The following ZNF618 variants were observed in gnomAD, a reference collection of about 807,000 sequenced individuals.
ZNF618 encodes neural precursor cell expressed, developmentally down-regulated 10.
A neutral mutation model predicts 103.0 loss-of-function variants in ZNF618; 34 were observed. The observed-to-expected ratio is 0.33, with a 90% CI of 0.25 to 0.44. The LOEUF (loss-of-function observed/expected upper bound fraction) is 0.44, where lower values mean the gene tolerates loss of function less well. Among genes scored for constraint, ZNF618 ranks in the 20% least tolerant of loss-of-function variants. ZNF618 has a pLI of 1.00. For missense variants in ZNF618, 1,059 were observed against 1,295.4 expected (o/e 0.82, Z 2.80); for synonymous variants, 551 against 542.2 (o/e 1.02, Z -0.23).
intron 1 of ZNF618, among the ~76,000 whole-genome samples, chr9:113,899,707 A>G (rs1830347944): frequency 6.6e-6 from 1 of 152,182 alleles, no homozygotes; most frequent in African/African-American, 2.4e-5. Context: ...TAGGTACCTC[A>G]TAGAAGTGGA....
chr9:113,941,339 A>G (rs1464311029), intron 1 of ZNF618, among the ~76,000 whole-genome samples: 1 of 152,102 alleles, frequency 6.6e-6, no homozygotes, highest in Non-Finnish European at 1.5e-5. Flanking sequence ...TTTGGGGGTT[A>G]TGTAAGAGCT....
chr9:113,944,190 G>A (rs1318246757), intron 1 of ZNF618, among the ~76,000 whole-genome samples: 2 of 152,158 alleles, frequency 1.3e-5, no homozygotes, highest in African/African-American at 2.4e-5. Context: ...GGGCCTAAAC[G>A]AGCCCTTGAT....
chr9:113,885,278 T>C (rs1311155271), intron 1 of ZNF618, among the ~76,000 whole-genome samples: 2 of 152,242 alleles, frequency 1.3e-5, no homozygotes, highest in African/African-American at 4.8e-5. Context: ...TCCTTCCGTA[T>C]CTTAATTTCT....
intron 1 of ZNF618, among the ~76,000 whole-genome samples, chr9:113,908,720 C>T (rs1265872219): frequency 6.6e-6 from 1 of 151,990 alleles, no homozygotes; most frequent in Admixed American, 6.6e-5. Flanking sequence ...TTATCTCTTG[C>T]CCCTTCTCAG....
At chr9:113,980,316 G>A (rs1838859952) in intron 2 of ZNF618, among the ~76,000 whole-genome samples, 1 of 152,046 alleles carries the variant, frequency 6.6e-6, no homozygotes, top group African/African-American at 2.4e-5. Flanking sequence ...TAAATACGAG[G>A]TGCCTGTTAG....
intron 10 of ZNF618, among the ~76,000 whole-genome samples, chr9:114,018,489 T>A (rs1461365235): frequency 6.6e-6 from 1 of 152,254 alleles, no homozygotes; most frequent in Non-Finnish European, 1.5e-5. Context: ...AGTTCAGCCT[T>A]TGGAGACTAT....
At chr9:113,969,805 G>A (rs146342505) in intron 2 of ZNF618, among the ~76,000 whole-genome samples, 14 of 152,178 alleles carry the variant, frequency 9.2e-5, no homozygotes, top group Non-Finnish European at 1.6e-4. Flanking sequence ...CTGCTGTTAC[G>A]TTGGGTAGAG....
intron 1 of ZNF618, among the ~76,000 whole-genome samples, chr9:113,934,156 A>G (rs1328930078): frequency 1.3e-5 from 2 of 152,174 alleles, no homozygotes; most frequent in Non-Finnish European, 2.9e-5. Flanking sequence ...TCAGTGAGCC[A>G]GGGGCCCAAC....
In ZNF618 at chr9:114,056,399, G is replaced by A. The variant is rs560141837; in HGVS notation, c.*6232G>A. 6.6e-5 allele frequency: 10 copies of A among 152,164 alleles called. No individual in the cohort carries two copies. The highest frequency in any genetic ancestry group is 1.2e-4 in the Non-Finnish European group (8 of 68,034). The allele number at this position is 152,164 out of a possible 1,614,324, so 9.4% of individuals were successfully genotyped here. A position where few individuals can be genotyped will look rare whatever the true frequency, so the allele number is the denominator to read the frequency against. ...CAGGGAGAAGAGGAAGGTTCCACTC[G>A]GTTCTTTAAGTCGCCAAAAGCCCCA... On this transcript the variant is annotated 3_prime_UTR_variant, in exon 15 of 15. Coordinates refer to ENST00000374126, the MANE Select transcript of ZNF618 (RefSeq NM_001318042.2).
At chr9:114,012,232 C>G (rs1025925375) in intron 9 of ZNF618, among the ~76,000 whole-genome samples, 3 of 152,168 alleles carry the variant, frequency 2.0e-5, no homozygotes, top group Admixed American at 2.0e-4. Flanking sequence ...GTGGTCTGAA[C>G]AATTTATCTC....
chr9:114,004,460 C>A (rs1290267935), intron 6 of ZNF618, among the ~76,000 whole-genome samples: 3 of 152,244 alleles, frequency 2.0e-5, no homozygotes, highest in Non-Finnish European at 4.4e-5. Flanking sequence ...TTTATCTTTC[C>A]TTCCTCAGCT....
At chr9:114,011,220 C>G (rs751181410) in intron 9 of ZNF618, among the ~76,000 whole-genome samples, 1 of 152,196 alleles carries the variant, frequency 6.6e-6, no homozygotes, top group Non-Finnish European at 1.5e-5. Context: ...ACTCACCTTT[C>G]AGGATTGTCA....
In ZNF618 at chr9:114,049,084, T is replaced by C. The variant is rs762621125; in HGVS notation, c.1782T>C (p.Leu594=). 27 of 1,613,736 alleles carry C rather than the reference T, an allele frequency of 1.7e-5. No homozygotes were observed. In the Admixed American group the frequency reaches 4.3e-4, roughly 26 times the overall value. ...KGADIRDSGD[L]VHHWVQNVLS... is the part of the protein sequence containing the mutation. ...CGGACATTCGCGACAGCGGTGACCT[T>C]GTGCACCACTGGGTGCAGAACGTGC... Residue 594 remains leucine, a synonymous_variant, in exon 15 of 15, where the codon CTT becomes CTC. Transcript: ENST00000374126.
intron 2 of ZNF618, among the ~76,000 whole-genome samples, chr9:113,975,598 C>T (rs892176510): frequency 6.6e-6 from 1 of 152,084 alleles, no homozygotes; most frequent in Non-Finnish European, 1.5e-5. Context: ...AAAGGAAATG[C>T]TTATTGGAGC....
intron 1 of ZNF618, among the ~76,000 whole-genome samples, chr9:113,914,595 G>T (rs1355691866): frequency 6.6e-6 from 1 of 152,140 alleles, no homozygotes; most frequent in Non-Finnish European, 1.5e-5. Flanking sequence ...AGATCTTCAG[G>T]GGAAGAGCTC....
intron 1 of ZNF618, among the ~76,000 whole-genome samples, chr9:113,951,431 G>GTA (rs1172130749): frequency 2.1e-4 from 3 of 14,262 alleles, no homozygotes; most frequent in Non-Finnish European, 2.9e-4. Context: ...ATGTGTGTGT[G>GTA]TATATATATA....
chr9:113,933,309 A>G (rs934487625), intron 1 of ZNF618, among the ~76,000 whole-genome samples: 1 of 152,230 alleles, frequency 6.6e-6, no homozygotes, highest in Non-Finnish European at 1.5e-5. Context: ...CTGACATCAC[A>G]GTCTGTTGCT....
chr9:114,016,098 A>G, intron 9 of ZNF618: 1 of 1,594,964 alleles, frequency 6.3e-7, no homozygotes, highest in South Asian at 1.1e-5. Context: ...TCAGTATTTT[A>G]TAATTTTCCC....
chr9:113,905,816 A>C (rs1382270152), intron 1 of ZNF618, among the ~76,000 whole-genome samples: 1 of 151,974 alleles, frequency 6.6e-6, no homozygotes, highest in East Asian at 1.9e-4. Flanking sequence ...GCTCTTCCCA[A>C]AGTCTAAACT....
Sources: allele counts gnomAD v4.1 joint callset (sites outside exome capture counted in the v4.1 genomes callset), GRCh38; gene constraint gnomAD v4.1.1; transcripts MANE v1.5; gene names NCBI Gene and HGNC (gene_info 2026-07-23, HGNC 2026-07-21).